Variants in TRIM38 observed in about 807,000 individuals in gnomAD.
TRIM38 encodes the protein tripartite motif containing 38.
A neutral mutation model predicts 35.8 loss-of-function variants in TRIM38; 35 were observed. The ratio of observed to expected loss-of-function variants is 0.98; its 90% CI spans 0.75 to 1.30. The LOEUF is 1.30. Ranked by LOEUF, TRIM38 falls within the 50% of genes most tolerant of loss-of-function variation. TRIM38 has a pLI of 0.00. For missense variants in TRIM38, 545 were observed against 556.9 expected (o/e 0.98, Z 0.21); for synonymous variants, 198 against 204.7 (o/e 0.97, Z 0.28).
intron 2 of TRIM38, among the ~76,000 whole-genome samples, 197 bp from the exon 3 acceptor site, chr6:25,966,138 G>A (rs1308430670): frequency 6.6e-6 from 1 of 152,144 alleles, no homozygotes; most frequent in Non-Finnish European, 1.5e-5. Flanking sequence ...AAAGAACAAT[G>A]TATAGCCAGT....
At chr6:25,975,767 T>C (rs1760373737) in intron 7 of TRIM38, 1 of 861,834 alleles carries the variant, frequency 1.2e-6, no homozygotes, top group South Asian at 5.3e-5. Flanking sequence ...TTATGTCTAA[T>C]ATTCCATAAG....
At chr6:25,970,201 C>T (rs879809736) in intron 4 of TRIM38, among the ~76,000 whole-genome samples, 1 of 152,186 alleles carries the variant, frequency 6.6e-6, no homozygotes, top group Non-Finnish European at 1.5e-5. Flanking sequence ...CAGGCGTGAG[C>T]CACTGCACCC....
rs1561895813 is a variant in TRIM38 at position 25,966,631 on chromosome 6, C to G, written c.109C>G (p.His37Asp). 6.2e-7 allele frequency: 1 copy of G among 1,614,194 alleles called. No homozygotes were observed. The highest frequency in any genetic ancestry group is 8.5e-7 in the Non-Finnish European group (1 of 1,180,028). The change falls in exon 3 of 8, where the codon CAC (histidine) becomes GAC (aspartate). Residue 37 changes from histidine (H) to aspartate (D), a missense_variant. By Grantham distance (81) the His-to-Asp change is moderately conservative. Transcript: ENST00000357085. ...VSINCGHSYC[H>D]LCITDFFKNP... The stretch of plus-strand genomic sequence containing the variant: ...CATCAACTGTGGACACAGCTACTGC[C>G]ACTTGTGTATAACAGACTTCTTTAA...
chr6:25,976,947 A>G (rs1421347931), intron 7 of TRIM38, among the ~76,000 whole-genome samples: 1 of 152,154 alleles, frequency 6.6e-6, no homozygotes, highest in Non-Finnish European at 1.5e-5. Flanking sequence ...CACTAGTGAG[A>G]TTGAGATTCT....
chr6:25,971,437 T>G lies in TRIM38; in HGVS notation c.508-432T>G, dbSNP rs545549308. On this transcript the variant is annotated intron_variant, in intron 4 of 7. Coordinates refer to ENST00000357085, the MANE Select transcript of TRIM38 (RefSeq NM_006355.5). Reference sequence around the variant, plus strand: ...GATTGTGTGTGTGTGTGTGTTTGTGTGAAAATATATATAACACTTAAGCAT... The same window carrying G: ...GATTGTGTGTGTGTGTGTGTTTGTGGGAAAATATATATAACACTTAAGCAT... Among the ~76,000 whole-genome samples, 5 of 152,270 alleles carry G rather than the reference T, an allele frequency of 3.3e-5. No individual in the cohort carries two copies. The East Asian group carries it at 9.7e-4, about 29-fold the overall frequency.
intron 3 of TRIM38, among the ~76,000 whole-genome samples, chr6:25,967,856 A>G (rs1431115317): frequency 1.3e-5 from 2 of 152,062 alleles, no homozygotes; most frequent in Admixed American, 6.6e-5. Context: ...GATAAAAGGA[A>G]TATCAAGGAG....
At position 25,966,615 on chromosome 6, in the gene TRIM38, T is replaced by C. The variant is rs760436169; in HGVS notation, c.93T>C (p.Cys31=). 1.2e-6 allele frequency: 2 copies of C among 1,614,198 alleles called. No homozygotes were observed. Among genetic ancestry groups the C allele is most frequent in the East Asian group, 2.2e-5 (1 of 44,888 alleles). Reference sequence around the variant, plus strand: ...TGACGAACCCAGTAAGCATCAACTGTGGACACAGCTACTGCCACTTGTGTA... The same window carrying C: ...TGACGAACCCAGTAAGCATCAACTGCGGACACAGCTACTGCCACTTGTGTA... The part of the protein sequence containing the change: ...SLMTNPVSIN[C]GHSYCHLCIT... The change falls in exon 3 of 8, where the codon TGT becomes TGC. Residue 31 remains cysteine (C), a synonymous_variant. Coordinates refer to ENST00000357085, the MANE Select transcript of TRIM38 (RefSeq NM_006355.5).
chr6:25,966,293 A>G lies in TRIM38; in HGVS notation c.-188-42A>G, dbSNP rs79171953. 2,683 of 456,138 alleles carry G rather than the reference A, an allele frequency of 5.9e-3. 15 individuals are homozygous for G. Among genetic ancestry groups the G allele is most frequent in the Middle Eastern group, 0.015 (26 of 1,714 alleles). 28.3% of individuals were successfully genotyped at this position (456,138 alleles called of 1,614,324 possible). On this transcript the variant is annotated intron_variant, in intron 2 of 7. Coordinates refer to ENST00000357085, the MANE Select transcript of TRIM38 (RefSeq NM_006355.5). ...CTCTGCACTTGGGTTGCAGTTCTCAAACGTGGCCCAAACAACCTCAGCCTC... is the reference window on the plus strand; with the variant it reads ...CTCTGCACTTGGGTTGCAGTTCTCAGACGTGGCCCAAACAACCTCAGCCTC...
chr6:25,972,562 A>G (rs1216342790), intron 5 of TRIM38, among the ~76,000 whole-genome samples: 1 of 152,208 alleles, frequency 6.6e-6, no homozygotes, highest in Non-Finnish European at 1.5e-5. Flanking sequence ...ATTGGTGACT[A>G]TACTGTAAGG....
In TRIM38 at chr6:25,973,189, C is replaced by A. The variant is rs1040304231; in HGVS notation, c.778C>A (p.Leu260Met). Residue 260 changes from leucine (L) to methionine (M), a missense_variant, in exon 7 of 8, where the codon CTG (leucine) becomes ATG (methionine). Transcript: ENST00000357085. Reference protein sequence around the residue: ...DTLSRSWAVKLETSEAVSLEL... With the variant: ...DTLSRSWAVKMETSEAVSLEL... ...TTATTCTAGGAGTTGGGCTGTGAAG[C>A]TGGAAACATCAGAGGCTGTCTCCTT... 1 of 1,614,162 alleles carries A rather than the reference C, an allele frequency of 6.2e-7. No homozygotes were observed. The highest frequency in any genetic ancestry group is 1.3e-5 in the African/African-American group (1 of 75,040).
rs761583136 is a variant in TRIM38, at chr6:25,973,154, T to C, written c.762-19T>C. The C allele has an allele frequency of 7.4e-6, 12 of 1,614,168 alleles. No homozygotes were observed. The highest frequency in any genetic ancestry group is 9.3e-6 in the Non-Finnish European group (11 of 1,179,990). ...TGGAATGCACCTCTGAAGAAATCTC[T>C]CGCCTCTGCTTATTCTAGGAGTTGG... On this transcript the variant is annotated intron_variant, in intron 6 of 7. Coordinates refer to ENST00000357085, the MANE Select transcript of TRIM38 (RefSeq NM_006355.5).
In TRIM38 at chr6:25,966,739, C is replaced by T; in HGVS notation, c.217C>T (p.Pro73Ser). ...RAPFHMDSLR[P>S]NKQLGSLIEA... ...TCCATTTCATATGGATAGCCTCCGACCCAACAAGCAGCTGGGAAGCCTCAT... is the reference window on the plus strand; with the variant it reads ...TCCATTTCATATGGATAGCCTCCGATCCAACAAGCAGCTGGGAAGCCTCAT... The change falls in exon 3 of 8, where the codon CCC becomes TCC. Residue 73 changes from proline (P) to serine (S), a missense_variant. Transcript: ENST00000357085. 1.2e-6 allele frequency: 2 copies of T among 1,614,164 alleles called. No homozygotes were observed. Among genetic ancestry groups the T allele is most frequent in the Non-Finnish European group, 1.7e-6 (2 of 1,180,044 alleles).
intron 7 of TRIM38, among the ~76,000 whole-genome samples, chr6:25,977,823 G>C (rs1373825471): frequency 6.6e-6 from 1 of 152,160 alleles, no homozygotes; most frequent in East Asian, 1.9e-4. Context: ...AGGTTGGTGA[G>C]AGAAGGCTAT....
chr6:25,985,823 GC>G lies in TRIM38; in HGVS notation c.*2138del, dbSNP rs1760693677. ...GGGAGGCCTCCCTAACATTGTTAAA[GC>G]CTAGCATATGCTGCTTAGAGGAAAT... On this transcript the variant is annotated 3_prime_UTR_variant, in exon 8 of 8. Transcript: ENST00000357085. 1 of 152,156 alleles carries G rather than the reference GC, an allele frequency of 6.6e-6. No individual in the cohort carries two copies. The highest frequency in any genetic ancestry group is 2.1e-4 in the South Asian group (1 of 4,834). The allele number at this position is 152,156 out of a possible 1,614,324, so 9.4% of individuals were successfully genotyped here.
chr6:25,979,042 T>C (rs1197052979), intron 7 of TRIM38, among the ~76,000 whole-genome samples: 1 of 152,108 alleles, frequency 6.6e-6, no homozygotes, highest in East Asian at 1.9e-4. Flanking sequence ...ATATTAAAGA[T>C]TGGGTTTTCA....
At position 25,989,809 on chromosome 6, in the gene TRIM38, T is replaced by C. The variant is rs1346855940; in HGVS notation, c.*6122T>C. 3 of 152,116 alleles carry C rather than the reference T, an allele frequency of 2.0e-5. No homozygotes were observed. The highest frequency in any genetic ancestry group is 6.5e-5 in the Admixed American group (1 of 15,282). 9.4% of individuals were successfully genotyped at this position (152,116 alleles called of 1,614,324 possible). The stretch of plus-strand genomic sequence containing the variant: ...ATAAATATGGTTTTCTTTTTTTAAA[T>C]AAAAATTTAAGACATTTTATAACTG... On this transcript the variant is annotated 3_prime_UTR_variant, in exon 8 of 8. Coordinates refer to ENST00000357085, the MANE Select transcript of TRIM38 (RefSeq NM_006355.5).
chr6:25,972,953 C>G, intron 5 of TRIM38, 101 bp from the exon 6 acceptor site: 1 of 1,488,886 alleles, frequency 6.7e-7, no homozygotes. Context: ...GGGTAACTCT[C>G]TTTACTTCTT....
At chr6:25,978,958 G>A (rs1425870436) in intron 7 of TRIM38, among the ~76,000 whole-genome samples, 4 of 152,092 alleles carry the variant, frequency 2.6e-5, no homozygotes, top group Non-Finnish European at 5.9e-5. Context: ...ATGAGTCACT[G>A]TGCCTGGCCT....
At chr6:25,966,314 G>A (rs972794259) in intron 2 of TRIM38, 21 bp from the exon 3 acceptor site, 10 of 515,094 alleles carry the variant, frequency 1.9e-5, no homozygotes, top group African/African-American at 3.9e-5. Flanking sequence ...AACAACCTCA[G>A]CCTCAACTTC....
Sources: gnomAD v4.1 joint callset for allele counts (sites outside exome capture counted in the v4.1 genomes callset) on GRCh38, gnomAD v4.1.1 for gene constraint, MANE v1.5 for transcripts, NCBI Gene and HGNC (gene_info 2026-07-23, HGNC 2026-07-21) for gene names.